SNTG2: variants seen among roughly 807,000 people sequenced by gnomAD.
SNTG2 encodes the protein gamma-2-syntrophin.
In SNTG2, 74 loss-of-function variants were observed where a neutral mutation model predicts 70.9. That is an observed-to-expected ratio of 1.04 (90% CI 0.86 to 1.27). SNTG2 has a LOEUF of 1.27. Among genes scored for constraint, SNTG2 ranks in the 50% most tolerant of loss-of-function variants. SNTG2 has a pLI of 0.00. For synonymous variants in SNTG2, 278 were observed against 273.8 expected, an observed-to-expected ratio of 1.02 and a Z score of -0.15; for missense variants, 717 against 690.7, an observed-to-expected ratio of 1.04 and a Z score of -0.43.
intron 6 of SNTG2, among the ~76,000 whole-genome samples, chr2:1,144,622 A>G (rs28417760): frequency 0.49 from 74,590 of 152,088 alleles, 20,153 homozygotes; most frequent in Non-Finnish European, 0.62. Context: ...ATCATGGTGG[A>G]AGGCGAAAGG....
intron 14 of SNTG2, among the ~76,000 whole-genome samples, chr2:1,275,692 G>A (rs1227139807): frequency 6.6e-6 from 1 of 152,162 alleles, no homozygotes; most frequent in Non-Finnish European, 1.5e-5. Flanking sequence ...GCCTTGAAGT[G>A]TTCAAATGAA....
intron 4 of SNTG2, among the ~76,000 whole-genome samples, chr2:1,110,138 G>A (rs1439999521): frequency 6.6e-6 from 1 of 152,150 alleles, no homozygotes; most frequent in Non-Finnish European, 1.5e-5. Context: ...AGGTCCCAAA[G>A]CTCCCTGTTC....
chr2:1,016,848 C>T (rs1389210446), intron 1 of SNTG2, among the ~76,000 whole-genome samples: 4 of 152,156 alleles, frequency 2.6e-5, no homozygotes, highest in African/African-American at 9.7e-5. Flanking sequence ...GAAGCTGGTA[C>T]ATGAATGCCC....
intron 6 of SNTG2, among the ~76,000 whole-genome samples, chr2:1,159,664 G>A (rs1303995889): frequency 1.3e-5 from 2 of 152,070 alleles, no homozygotes; most frequent in East Asian, 3.9e-4. Flanking sequence ...TGTCACCTAA[G>A]AATCTGAAGC....
rs1279864740 is a variant in SNTG2, at chr2:1,293,545, T to C, written c.1285-14949T>C. On this transcript the variant is annotated intron_variant, in intron 14 of 16. Coordinates refer to ENST00000308624, the MANE Select transcript of SNTG2 (RefSeq NM_018968.4). ...TTTTACTGTGTTGTGTGAATTCTGG[T>C]GTGTTGTGTTTTTTATTTAGGTTAT... is the stretch of plus-strand genomic sequence containing the variant. 4.4e-3 allele frequency among the ~76,000 whole-genome samples: 676 copies of C among 152,222 alleles called. 6 individuals carry two copies. The highest frequency in any genetic ancestry group is 0.015 in the African/African-American group (634 of 41,538).
chr2:1,279,071 GCGAA>G (rs1402721956), intron 14 of SNTG2, among the ~76,000 whole-genome samples: 4 of 77,252 alleles, frequency 5.2e-5, no homozygotes, highest in Non-Finnish European at 1.1e-4. Flanking sequence ...CTGTCAGTGC[GCGAA>G]TGACCCCTCT....
At chr2:1,303,212 A>C (rs1680533740) in intron 14 of SNTG2, among the ~76,000 whole-genome samples, 1 of 152,252 alleles carries the variant, frequency 6.6e-6, no homozygotes, top group Non-Finnish European at 1.5e-5. Context: ...TCAAGTGTCC[A>C]TGCAACTTTT....
chr2:951,145 C>T, intron 1 of SNTG2, 77 bp downstream of exon 1: 1 of 623,882 alleles, frequency 1.6e-6, no homozygotes. Flanking sequence ...CCCCGCCCCT[C>T]CTCCCTCCAC....
chr2:995,681 T>G (rs532437444), intron 1 of SNTG2, among the ~76,000 whole-genome samples: 1 of 152,304 alleles, frequency 6.6e-6, no homozygotes, highest in Non-Finnish European at 1.5e-5. Context: ...ATTTCATTTC[T>G]GTGTTTGCTG....
intron 8 of SNTG2, among the ~76,000 whole-genome samples, chr2:1,176,281 C>G (rs978797335): frequency 1.3e-5 from 2 of 151,838 alleles, no homozygotes; most frequent in Non-Finnish European, 2.9e-5. Flanking sequence ...TATCAAGACT[C>G]AATATTGAGA....
chr2:1,234,731 C>G (rs1020622573), intron 9 of SNTG2, among the ~76,000 whole-genome samples: 1 of 152,210 alleles, frequency 6.6e-6, no homozygotes. Flanking sequence ...AGCTGATGAT[C>G]TTTCTCAAGA....
At chr2:1,089,390 A>G (rs1247174904) in intron 2 of SNTG2, among the ~76,000 whole-genome samples, 1 of 152,234 alleles carries the variant, frequency 6.6e-6, no homozygotes, top group East Asian at 1.9e-4. Flanking sequence ...AATAGTTTAC[A>G]CTTTGGGAGT....
At chr2:1,071,607 C>T (rs1482306940) in intron 1 of SNTG2, among the ~76,000 whole-genome samples, 1 of 150,266 alleles carries the variant, frequency 6.7e-6, no homozygotes, top group Non-Finnish European at 1.5e-5. Flanking sequence ...CATATGTAAC[C>T]TGCACAATGT....
At chr2:1,134,071 G>C (rs1213036902) in intron 4 of SNTG2, among the ~76,000 whole-genome samples, 2 of 151,930 alleles carry the variant, frequency 1.3e-5, no homozygotes, top group Non-Finnish European at 1.5e-5. Flanking sequence ...TCTTAAGGCG[G>C]TGCGTCTGGA....
intron 7 of SNTG2, among the ~76,000 whole-genome samples, chr2:1,168,884 C>G (rs1670933774): frequency 6.6e-6 from 1 of 152,168 alleles, no homozygotes; most frequent in African/African-American, 2.4e-5. Flanking sequence ...GCCGTAGAGG[C>G]AGAACATGTT....
intron 1 of SNTG2, among the ~76,000 whole-genome samples, chr2:1,079,607 A>G (rs1664150258): frequency 6.6e-6 from 1 of 152,100 alleles, no homozygotes; most frequent in South Asian, 2.1e-4. Flanking sequence ...AATTTTATAT[A>G]TTTAAAATAC....
chr2:1,003,277 C>T (rs1006990119), intron 1 of SNTG2, among the ~76,000 whole-genome samples: 7 of 152,038 alleles, frequency 4.6e-5, no homozygotes, highest in Admixed American at 1.3e-4. Flanking sequence ...TGGATTTGCA[C>T]GAGTATATGA....
chr2:1,182,984 G>A (rs1178924711), intron 8 of SNTG2, among the ~76,000 whole-genome samples: 1 of 152,056 alleles, frequency 6.6e-6, no homozygotes, highest in African/African-American at 2.4e-5. Flanking sequence ...TGAACTCCTG[G>A]GCTCAAGCAA....
intron 1 of SNTG2, among the ~76,000 whole-genome samples, chr2:1,060,548 G>C (rs1033431658): frequency 6.6e-6 from 1 of 152,164 alleles, no homozygotes; most frequent in Non-Finnish European, 1.5e-5. Flanking sequence ...GGACAGTCTG[G>C]CTCCAGCATT....
Sources: gnomAD v4.1 joint callset for allele counts (sites outside exome capture counted in the v4.1 genomes callset) on GRCh38, gnomAD v4.1.1 for gene constraint, MANE v1.5 for transcripts, NCBI Gene and HGNC (gene_info 2026-07-23, HGNC 2026-07-21) for gene names.